PARD3: variants seen among roughly 807,000 people sequenced by gnomAD.
PARD3 encodes partitioning defective 3 homolog.
Under a neutral mutation model 155.4 loss-of-function variants are expected in PARD3, and 75 were observed. That is an observed-to-expected ratio of 0.48 (90% confidence interval 0.40 to 0.58). PARD3 has a LOEUF of 0.58. Ranked by LOEUF, PARD3 falls within the 20% of genes least tolerant of loss-of-function variation. PARD3 has a pLI of 0.00. For synonymous variants in PARD3, 576 were observed against 610.5 expected, an observed-to-expected ratio of 0.94 and a Z score of 0.83; for missense variants, 1,642 against 1,721.7, an observed-to-expected ratio of 0.95 and a Z score of 0.82.
chr10:34,614,699 T>C (rs1015112617), intron 2 of PARD3, among the ~76,000 whole-genome samples: 4 of 152,240 alleles, frequency 2.6e-5, no homozygotes, highest in African/African-American at 7.2e-5. Flanking sequence ...AAAAATTAAG[T>C]ACATTTCCTA....
chr10:34,446,654 A>C (rs2076755417), intron 5 of PARD3, among the ~76,000 whole-genome samples: 1 of 152,238 alleles, frequency 6.6e-6, no homozygotes, highest in Non-Finnish European at 1.5e-5. Context: ...TGAGAAAATT[A>C]TGTTTCCTTC....
intron 1 of PARD3, among the ~76,000 whole-genome samples, chr10:34,750,257 C>G (rs1173889849): frequency 6.6e-6 from 1 of 151,702 alleles, no homozygotes; most frequent in Non-Finnish European, 1.5e-5. Flanking sequence ...GGATTGAAAA[C>G]AGAAGAAGAG....
At chr10:34,424,646 C>T (rs2075498165) in intron 5 of PARD3, among the ~76,000 whole-genome samples, 2 of 152,092 alleles carry the variant, frequency 1.3e-5, no homozygotes, top group Non-Finnish European at 2.9e-5. Flanking sequence ...TCAGCAGAGG[C>T]TGGGACTACA....
intron 2 of PARD3, among the ~76,000 whole-genome samples, chr10:34,576,203 A>C (rs2086874644): frequency 1.3e-5 from 2 of 152,206 alleles, no homozygotes; most frequent in South Asian, 4.1e-4. Context: ...ACTATGCTTA[A>C]ATATACACAT....
chr10:34,810,180 G>A (rs1843944155), intron 1 of PARD3, among the ~76,000 whole-genome samples: 3 of 151,956 alleles, frequency 2.0e-5, no homozygotes, highest in South Asian at 2.1e-4. Flanking sequence ...CCCACATGAC[G>A]CCACACCTGG....
At chr10:34,415,948 CATTA>C (rs1845631442) in intron 5 of PARD3, among the ~76,000 whole-genome samples, 1 of 152,142 alleles carries the variant, frequency 6.6e-6, no homozygotes, top group Non-Finnish European at 1.5e-5. Flanking sequence ...GGACAGAAGG[CATTA>C]ACTGAGTGGT....
intron 4 of PARD3, among the ~76,000 whole-genome samples, chr10:34,459,270 C>T (rs540862896): frequency 6.6e-6 from 1 of 152,260 alleles, no homozygotes; most frequent in South Asian, 2.1e-4. Context: ...GGGTTCACGC[C>T]ATCCTCCAGC....
chr10:34,762,316 T>C (rs935400301), intron 1 of PARD3, among the ~76,000 whole-genome samples: 1 of 130,680 alleles, frequency 7.7e-6, no homozygotes, highest in African/African-American at 2.8e-5. Context: ...GAGAGAGAGA[T>C]GGGGTCTCAC....
intron 2 of PARD3, among the ~76,000 whole-genome samples, chr10:34,583,454 T>A (rs1459573762): frequency 6.6e-6 from 1 of 152,180 alleles, no homozygotes; most frequent in African/African-American, 2.4e-5. Flanking sequence ...GATTTTTTTT[T>A]AATTTTTGCC....
chr10:34,603,353 T>A (rs753641874), intron 2 of PARD3, among the ~76,000 whole-genome samples: 1 of 151,996 alleles, frequency 6.6e-6, no homozygotes, highest in East Asian at 1.9e-4. Flanking sequence ...CACAGAAGAC[T>A]TGATACATTC....
chr10:34,326,007 G>A (rs562873035), intron 19 of PARD3, among the ~76,000 whole-genome samples: 1 of 151,742 alleles, frequency 6.6e-6, no homozygotes, highest in South Asian at 2.1e-4. Flanking sequence ...TGTAATTCCA[G>A]TTACTTGGGA....
intron 22 of PARD3, among the ~76,000 whole-genome samples, chr10:34,166,680 C>G (rs1949544067): frequency 6.6e-6 from 1 of 152,120 alleles, no homozygotes; most frequent in South Asian, 2.1e-4. Flanking sequence ...CTGGCTGGGA[C>G]TGCCCGATGC....
intron 1 of PARD3, among the ~76,000 whole-genome samples, chr10:34,779,235 G>A (rs969971601): frequency 2.6e-5 from 4 of 152,106 alleles, no homozygotes; most frequent in Non-Finnish European, 1.5e-5. Flanking sequence ...GAACCTGGGA[G>A]GTGAAGGCTG....
chr10:34,339,342 G>C (rs1836544533), intron 16 of PARD3, among the ~76,000 whole-genome samples: 1 of 151,888 alleles, frequency 6.6e-6, no homozygotes, highest in African/African-American at 2.4e-5. Context: ...GGGCAACAGA[G>C]CGAGACTCCG....
chr10:34,205,722 C>T (rs976284218), intron 22 of PARD3, among the ~76,000 whole-genome samples: 1 of 152,152 alleles, frequency 6.6e-6, no homozygotes, highest in Admixed American at 6.5e-5. Flanking sequence ...GGCAGGGACT[C>T]ACCTCCTGCA....
At chr10:34,248,559 C>T (rs1168342184) in intron 22 of PARD3, among the ~76,000 whole-genome samples, 2 of 143,566 alleles carry the variant, frequency 1.4e-5, no homozygotes, top group African/African-American at 5.5e-5. Context: ...ATGAGGCTCA[C>T]AGAGGTCAGA....
chr10:34,474,257 TA>T (rs1245286222), intron 3 of PARD3, among the ~76,000 whole-genome samples: 3 of 152,176 alleles, frequency 2.0e-5, no homozygotes, highest in Non-Finnish European at 4.4e-5. Flanking sequence ...GGAAGTGCTG[TA>T]AGACCTGAGT....
At chr10:34,539,263 G>A (rs555542242) in intron 2 of PARD3, among the ~76,000 whole-genome samples, 19 of 152,276 alleles carry the variant, frequency 1.2e-4, no homozygotes, top group Admixed American at 6.5e-5. Context: ...ACTAGCTCAT[G>A]AGGACTCTTA....
At chr10:34,775,092 T>C (rs978253032) in intron 1 of PARD3, among the ~76,000 whole-genome samples, 2 of 152,204 alleles carry the variant, frequency 1.3e-5, no homozygotes, top group African/African-American at 4.8e-5. Flanking sequence ...TCACAAATCC[T>C]TTCAGTTTGG....
Sources: gnomAD v4.1 joint callset for allele counts (sites outside exome capture counted in the v4.1 genomes callset) on GRCh38, gnomAD v4.1.1 for gene constraint, MANE v1.5 for transcripts, NCBI Gene and HGNC (gene_info 2026-07-23, HGNC 2026-07-21) for gene names.